KIAA1328: variants seen among roughly 807,000 people sequenced by gnomAD.
KIAA1328 encodes the protein KIAA1328.
A neutral mutation model predicts 68.1 loss-of-function variants in KIAA1328; 52 were observed. The ratio of observed to expected loss-of-function variants is 0.76; its 90% CI spans 0.61 to 0.96. KIAA1328 has a LOEUF of 0.96. Ranked by LOEUF, KIAA1328 falls within the 40% of genes least tolerant of loss-of-function variation. The pLI, the probability that KIAA1328 is intolerant of heterozygous loss-of-function variation, is 0.00. For synonymous variants in KIAA1328, 232 were observed against 239.4 expected (o/e 0.97, Z 0.28); for missense variants, 641 against 677.6 (o/e 0.95, Z 0.60).
chr18:37,076,643 C>A (rs1431996335), intron 7 of KIAA1328, among the ~76,000 whole-genome samples: 3 of 151,504 alleles, frequency 2.0e-5, no homozygotes, highest in East Asian at 1.9e-4. Context: ...AAAAAATGAT[C>A]AAGGGGATAT....
intron 3 of KIAA1328, among the ~76,000 whole-genome samples, chr18:36,843,315 T>A (rs974882309): frequency 2.0e-5 from 3 of 152,188 alleles, no homozygotes; most frequent in African/African-American, 4.8e-5. Flanking sequence ...CGGCTATTAC[T>A]ATTTCCAGAA....
At chr18:36,892,756 G>T (rs2048731677) in intron 5 of KIAA1328, among the ~76,000 whole-genome samples, 1 of 152,148 alleles carries the variant, frequency 6.6e-6, no homozygotes, top group Admixed American at 6.6e-5. Context: ...CAGTTTGAAT[G>T]ATTCTTTCCA....
chr18:37,026,030 T>A (rs542989566), intron 6 of KIAA1328, among the ~76,000 whole-genome samples: 1 of 151,956 alleles, frequency 6.6e-6, no homozygotes, highest in South Asian at 2.1e-4. Flanking sequence ...TAAAAAATGA[T>A]AAAAGGGGAT....
intron 4 of KIAA1328, among the ~76,000 whole-genome samples, chr18:36,863,929 T>C (rs754100540): frequency 2.0e-5 from 3 of 152,308 alleles, no homozygotes; most frequent in Middle Eastern, 6.8e-3. Flanking sequence ...GGGATTCTTT[T>C]ATGTAGACTA....
Position 37,223,127 on chromosome 18 carries a change from G to A in KIAA1328, c.*900G>A. On this transcript the variant is annotated 3_prime_UTR_variant, in exon 10 of 10. Coordinates refer to ENST00000280020, the MANE Select transcript of KIAA1328 (RefSeq NM_020776.3). Reference sequence around the variant, plus strand: ...TCTACGGAAAATGCCACTAGAGAGAGAGTGATGCAAGCTGCTGCAAAGCTG... The same window carrying A: ...TCTACGGAAAATGCCACTAGAGAGAAAGTGATGCAAGCTGCTGCAAAGCTG... 1.5e-5 allele frequency: 14 copies of A among 964,676 alleles called. No homozygotes were observed. The highest frequency in any genetic ancestry group is 1.7e-5 in the Non-Finnish European group (14 of 827,046). The allele number at this position is 964,676 out of a possible 1,614,324, so 59.8% of individuals were successfully genotyped here. A position where few individuals can be genotyped will look rare whatever the true frequency, so the allele number is the denominator to read the frequency against.
intron 4 of KIAA1328, among the ~76,000 whole-genome samples, chr18:36,867,551 T>C (rs958743358): frequency 6.6e-6 from 1 of 152,260 alleles, no homozygotes; most frequent in Non-Finnish European, 1.5e-5. Flanking sequence ...AAGCAAAAAC[T>C]ATAACTTCTT....
At chr18:37,043,499 C>T (rs570682749) in intron 6 of KIAA1328, among the ~76,000 whole-genome samples, 4 of 152,180 alleles carry the variant, frequency 2.6e-5, no homozygotes, top group Admixed American at 6.5e-5. Context: ...TGTCACTACT[C>T]AACCTTTTTT....
chr18:36,914,243 C>T (rs2049591529), intron 5 of KIAA1328, among the ~76,000 whole-genome samples: 1 of 152,018 alleles, frequency 6.6e-6, no homozygotes, highest in Non-Finnish European at 1.5e-5. Flanking sequence ...TTTTGTGTGC[C>T]ATAGCATATA....
At chr18:37,021,816 A>G (rs1487225320) in intron 6 of KIAA1328, among the ~76,000 whole-genome samples, 5 of 152,054 alleles carry the variant, frequency 3.3e-5, no homozygotes, top group African/African-American at 1.2e-4. Flanking sequence ...GGGCAGATGG[A>G]TCACGAGGTC....
intron 7 of KIAA1328, among the ~76,000 whole-genome samples, chr18:37,109,650 T>C (rs1328393393): frequency 1.3e-5 from 2 of 152,232 alleles, no homozygotes; most frequent in Admixed American, 6.5e-5. Flanking sequence ...ATGTTGCTGC[T>C]ACCACTTATT....
At chr18:37,121,460 A>G (rs1459455201) in intron 7 of KIAA1328, among the ~76,000 whole-genome samples, 1 of 151,498 alleles carries the variant, frequency 6.6e-6, no homozygotes, top group Non-Finnish European at 1.5e-5. Context: ...CTATCTATCT[A>G]TGCATCTATC....
At chr18:37,108,494 C>T (rs146065223) in intron 7 of KIAA1328, among the ~76,000 whole-genome samples, 1 of 152,074 alleles carries the variant, frequency 6.6e-6, no homozygotes, top group Non-Finnish European at 1.5e-5. Context: ...GCACATGTAC[C>T]TTCTGTATCT....
At chr18:37,024,304 T>G in intron 6 of KIAA1328, among the ~76,000 whole-genome samples, 1 of 151,586 alleles carries the variant, frequency 6.6e-6, no homozygotes, top group Non-Finnish European at 1.5e-5. Flanking sequence ...CCTGGCCTGT[T>G]ATTCCTTTCT....
At chr18:37,079,336 G>T (rs555234258) in intron 7 of KIAA1328, among the ~76,000 whole-genome samples, 1 of 118,260 alleles carries the variant, frequency 8.5e-6, no homozygotes, top group South Asian at 2.4e-4. Flanking sequence ...GTTGTGGGGT[G>T]GGGGGAGAGG....
intron 1 of KIAA1328, chr18:36,829,412 C>G: frequency 7.5e-7 from 1 of 1,339,988 alleles, no homozygotes; most frequent in Non-Finnish European, 9.5e-7. Flanking sequence ...GGGGACACGG[C>G]TCAGATGCTT....
chr18:36,975,190 T>G (rs955489767), intron 6 of KIAA1328, among the ~76,000 whole-genome samples: 1 of 148,112 alleles, frequency 6.8e-6, no homozygotes, highest in South Asian at 2.2e-4. Flanking sequence ...TTTTTTTTTT[T>G]TTTTTTTTTT....
At chr18:37,230,257 C>T (rs2060658780), downstream of KIAA1328, 1 of 152,272 alleles carries the variant, frequency 6.6e-6, no homozygotes, top group Non-Finnish European at 1.5e-5. Context: ...TGTGTTTGTA[C>T]TTCTGCACAT....
At chr18:36,996,867 T>C (rs2053411893) in intron 6 of KIAA1328, among the ~76,000 whole-genome samples, 1 of 152,236 alleles carries the variant, frequency 6.6e-6, no homozygotes, top group African/African-American at 2.4e-5. Flanking sequence ...TTGGCAAGTT[T>C]TTAGGAGAAA....
chr18:37,088,106 C>G lies in KIAA1328; in HGVS notation c.1232+20561C>G, dbSNP rs568310597. On this transcript the variant is annotated intron_variant, in intron 7 of 9. Transcript: ENST00000280020. Reference sequence around the variant, plus strand: ...TGAGGAGTTCTCTGACATGTTTCAGCTTACAGCATCTTTTCAACCCCAGCT... The same window carrying G: ...TGAGGAGTTCTCTGACATGTTTCAGGTTACAGCATCTTTTCAACCCCAGCT... Among the ~76,000 whole-genome samples, 2 of 152,264 alleles carry G rather than the reference C, an allele frequency of 1.3e-5. 1 individual carries two copies. The highest frequency in any genetic ancestry group is 1.3e-4 in the Admixed American group (2 of 15,282).
Sources: gnomAD v4.1 joint callset for allele counts (sites outside exome capture counted in the v4.1 genomes callset) on GRCh38, gnomAD v4.1.1 for gene constraint, MANE v1.5 for transcripts, NCBI Gene and HGNC (gene_info 2026-07-23, HGNC 2026-07-21) for gene names.